The following TMPRSS11F variants were observed in gnomAD, a reference collection of about 807,000 sequenced individuals.
TMPRSS11F encodes the protein transmembrane serine protease 11F, also known as transmembrane protease serine 11F.
Under a neutral mutation model 60.2 loss-of-function variants are expected in TMPRSS11F, and 47 were observed. The observed-to-expected ratio is 0.78, with a 90% CI of 0.62 to 1.00. The LOEUF (loss-of-function observed/expected upper bound fraction) is 1.00. TMPRSS11F is among the 50% of genes least tolerant of loss of function. The probability of loss-of-function intolerance (pLI) is 0.00; values close to 1 mark genes in which losing one functional copy is unlikely to be tolerated. For missense variants in TMPRSS11F, 519 were observed against 522.9 expected, an observed-to-expected ratio of 0.99 and a Z score of 0.07; for synonymous variants, 166 against 167.3, an observed-to-expected ratio of 0.99 and a Z score of 0.06.
At chr4:68,092,642 A>G (rs1577925340) in intron 2 of TMPRSS11F, among the ~76,000 whole-genome samples, 1 of 151,926 alleles carries the variant, frequency 6.6e-6, no homozygotes, top group African/African-American at 2.4e-5. Context: ...TCTCACATAT[A>G]TTATCTTATT....
intron 3 of TMPRSS11F, among the ~76,000 whole-genome samples, chr4:68,084,726 T>C (rs1047594192): frequency 1.3e-5 from 2 of 150,644 alleles, no homozygotes; most frequent in Non-Finnish European, 2.9e-5. Context: ...ATTTATTTAT[T>C]TTTTTATGTT....
At chr4:68,085,618 A>C (rs1383458611) in intron 3 of TMPRSS11F, among the ~76,000 whole-genome samples, 1 of 152,230 alleles carries the variant, frequency 6.6e-6, no homozygotes, top group Non-Finnish European at 1.5e-5. Flanking sequence ...TTTAAAAGGC[A>C]TACAGTGGCA....
chr4:68,072,540 T>A, intron 4 of TMPRSS11F, 54 bp from the exon 5 acceptor site: 2 of 1,349,498 alleles, frequency 1.5e-6, no homozygotes, highest in South Asian at 2.1e-5. Flanking sequence ...TTAATGACTT[T>A]AACTTATTAG....
intron 1 of TMPRSS11F, among the ~76,000 whole-genome samples, chr4:68,105,048 G>A (rs1371730381): frequency 2.4e-5 from 2 of 83,502 alleles, no homozygotes; most frequent in Non-Finnish European, 4.5e-5. Flanking sequence ...ATTCCCTCTA[G>A]GTTTTTTTTT....
intron 7 of TMPRSS11F, among the ~76,000 whole-genome samples, 186 bp downstream of exon 7, chr4:68,068,432 T>C (rs975566263): frequency 1.3e-5 from 2 of 152,256 alleles, no homozygotes; most frequent in East Asian, 3.9e-4. Context: ...CTGTAAGAAC[T>C]ACAAATGACA....
intron 1 of TMPRSS11F, among the ~76,000 whole-genome samples, chr4:68,100,187 T>A (rs1173562505): frequency 1.3e-5 from 2 of 152,138 alleles, no homozygotes; most frequent in Non-Finnish European, 2.9e-5. Context: ...TCTCAATATA[T>A]GTTCAAGATT....
intron 7 of TMPRSS11F, among the ~76,000 whole-genome samples, chr4:68,066,094 G>A (rs1458366348): frequency 2.1e-5 from 3 of 142,460 alleles, no homozygotes; most frequent in African/African-American, 5.2e-5. Context: ...ACTCCAGCCT[G>A]GGTGACAGAG....
chr4:68,073,007 A>G (rs1723512806), intron 4 of TMPRSS11F, among the ~76,000 whole-genome samples: 1 of 152,156 alleles, frequency 6.6e-6, no homozygotes, highest in East Asian at 1.9e-4. Context: ...CCAATGAAAT[A>G]TGGAAAGAAA....
chr4:68,095,378 A>G (rs185291980), intron 2 of TMPRSS11F, among the ~76,000 whole-genome samples: 1 of 152,302 alleles, frequency 6.6e-6, no homozygotes, highest in East Asian at 1.9e-4. Flanking sequence ...GGCACTTCAC[A>G]ATAGCAGAAA....
intron 3 of TMPRSS11F, among the ~76,000 whole-genome samples, chr4:68,076,212 C>T (rs899697433): frequency 2.6e-5 from 4 of 152,124 alleles, no homozygotes; most frequent in Admixed American, 2.0e-4. Context: ...ATAACAAGGT[C>T]GCCTTCCATG....
At chr4:68,074,067 A>T in intron 3 of TMPRSS11F, 58 bp from the exon 4 acceptor site, 2 of 1,111,886 alleles carry the variant, frequency 1.8e-6, no homozygotes, top group Non-Finnish European at 1.3e-6. Flanking sequence ...TAAAAAAATA[A>T]TTTTTTAAAA....
At chr4:68,057,830 A>G (rs1026259154) in intron 9 of TMPRSS11F, among the ~76,000 whole-genome samples, 13 of 152,238 alleles carry the variant, frequency 8.5e-5, no homozygotes, top group East Asian at 7.7e-4. Flanking sequence ...GTGTTCATCA[A>G]TGTGTGAAGA....
intron 3 of TMPRSS11F, among the ~76,000 whole-genome samples, chr4:68,083,300 G>A (rs750314666): frequency 2.0e-5 from 3 of 152,118 alleles, no homozygotes; most frequent in Non-Finnish European, 4.4e-5. Context: ...AAGAAATGAG[G>A]GCATGGTGCC....
chr4:68,070,735 T>C (rs1008711613), intron 5 of TMPRSS11F, among the ~76,000 whole-genome samples: 7 of 152,210 alleles, frequency 4.6e-5, no homozygotes, highest in African/African-American at 1.7e-4. Flanking sequence ...CTACATTAGA[T>C]GTTTGTTGGG....
intron 2 of TMPRSS11F, among the ~76,000 whole-genome samples, chr4:68,096,358 TAATA>T (rs1457254300): frequency 2.6e-5 from 4 of 152,214 alleles, no homozygotes; most frequent in Admixed American, 1.3e-4. Context: ...TCATGTCAAG[TAATA>T]AATAGAGGCA....
chr4:68,121,390 A>T (rs1724622900), intron 1 of TMPRSS11F, among the ~76,000 whole-genome samples: 1 of 152,234 alleles, frequency 6.6e-6, no homozygotes, highest in Non-Finnish European at 1.5e-5. Context: ...TCTTCTGAAA[A>T]ATATGTTATA....
intron 1 of TMPRSS11F, among the ~76,000 whole-genome samples, chr4:68,106,448 A>G (rs1324713233): frequency 1.3e-5 from 2 of 152,230 alleles, no homozygotes; most frequent in East Asian, 3.8e-4. Flanking sequence ...TTTGGACTCA[A>G]TAAAAATTCC....
intron 1 of TMPRSS11F, among the ~76,000 whole-genome samples, chr4:68,120,345 T>G (rs1200455538): frequency 6.6e-6 from 1 of 151,760 alleles, no homozygotes; most frequent in African/African-American, 2.4e-5. Context: ...AGTAAAATGC[T>G]ATCAAACAGC....
intron 5 of TMPRSS11F, among the ~76,000 whole-genome samples, chr4:68,070,563 T>A (rs1178942813): frequency 1.3e-5 from 2 of 152,232 alleles, no homozygotes; most frequent in Admixed American, 6.5e-5. Flanking sequence ...ATGGCTTGGA[T>A]GGTTGTGGCT....
Sources: gnomAD v4.1 joint callset for allele counts (sites outside exome capture counted in the v4.1 genomes callset) on GRCh38, gnomAD v4.1.1 for gene constraint, MANE v1.5 for transcripts, NCBI Gene and HGNC (gene_info 2026-07-23, HGNC 2026-07-21) for gene names.